Variants in UBE2J1 observed in about 807,000 individuals in gnomAD.
UBE2J1 encodes the protein ubiquitin conjugating enzyme E2 J1.
UBE2J1 carries 17 observed loss-of-function variants against 42.1 expected under a neutral mutation model. The observed-to-expected ratio is 0.40, with a 90% CI of 0.28 to 0.61. The LOEUF (loss-of-function observed/expected upper bound fraction) is 0.61. Among genes scored for constraint, UBE2J1 ranks in the 20% least tolerant of loss-of-function variants. The pLI, the probability that UBE2J1 is intolerant of heterozygous loss-of-function variation, is 0.38. For synonymous variants in UBE2J1, 127 were observed against 137.2 expected, an observed-to-expected ratio of 0.93 and a Z score of 0.52; for missense variants, 291 against 389.4, an observed-to-expected ratio of 0.75 and a Z score of 2.13.
Position 89,329,831 on chromosome 6 carries a change from G to T in UBE2J1, c.805C>A (p.Pro269Thr), listed in dbSNP as rs1767972918. 6.2e-7 allele frequency: 1 copy of T among 1,613,996 alleles called. No homozygotes were observed. The highest frequency in any genetic ancestry group is 1.7e-5 in the Admixed American group (1 of 59,972). Residue 269 changes from proline (P) to threonine (T), a missense_variant, in exon 8 of 8, where the codon CCA (proline) becomes ACA (threonine). By Grantham distance (38) the Pro-to-Thr change is conservative. Coordinates refer to ENST00000435041, the MANE Select transcript of UBE2J1 (RefSeq NM_016021.3). ...QQSQRRLSTS[P>T]DVIQGHQPRD... ...GGCTGGTGGCCCTGGATTACATCTG[G>T]TGAAGTAGACAACCTTCTCTGACTC...
chr6:89,330,013 C>T, intron 7 of UBE2J1, 56 bp from the exon 8 acceptor site: 2 of 1,525,992 alleles, frequency 1.3e-6, no homozygotes, highest in Non-Finnish European at 1.8e-6. Flanking sequence ...TGTAAATACA[C>T]TTGTTATCTA....
Position 89,336,501 on chromosome 6 carries a change from TA to T in UBE2J1, c.429-1071del, listed in dbSNP as rs201103206. On this transcript the variant is annotated intron_variant, in intron 5 of 7. Coordinates refer to ENST00000435041, the MANE Select transcript of UBE2J1 (RefSeq NM_016021.3). ...TTTTTTTTTTATTTCATTTTATTAT[TA>T]TTTTTTTTTTTGTAGAGACAGTGTC... Among the ~76,000 whole-genome samples the T allele has an allele frequency of 5.6e-3, 837 of 148,448 alleles. 11 individuals carry two copies. The highest frequency in any genetic ancestry group is 0.018 in the African/African-American group (748 of 40,846).
At position 89,329,299 on chromosome 6, in the gene UBE2J1, A is replaced by G. The variant is rs902191430; in HGVS notation, c.*380T>C. On this transcript the variant is annotated 3_prime_UTR_variant, in exon 8 of 8. Coordinates refer to ENST00000435041, the MANE Select transcript of UBE2J1 (RefSeq NM_016021.3). Reference sequence around the variant, plus strand: ...TACATACGTAGAAACAGAGTACTCAATAAGTGGTATTGAGTAACTAGTAAT... The same window carrying G: ...TACATACGTAGAAACAGAGTACTCAGTAAGTGGTATTGAGTAACTAGTAAT... 2 of 245,484 alleles carry G rather than the reference A, an allele frequency of 8.1e-6. No homozygotes were observed. Among genetic ancestry groups the G allele is most frequent in the Non-Finnish European group, 1.6e-5 (2 of 126,688 alleles). The allele number at this position is 245,484 out of a possible 1,614,324, so 15.2% of individuals were successfully genotyped here.
chr6:89,328,218 T>A lies in UBE2J1; in HGVS notation c.*1461A>T, dbSNP rs1348812925. 6.6e-6 allele frequency: 1 copy of A among 152,202 alleles called. No homozygotes were observed. The highest frequency in any genetic ancestry group is 1.5e-5 in the Non-Finnish European group (1 of 68,028). 9.4% of individuals were successfully genotyped at this position (152,202 alleles called of 1,614,324 possible). A position where few individuals can be genotyped will look rare whatever the true frequency, so the allele number is the denominator to read the frequency against. On this transcript the variant is annotated 3_prime_UTR_variant, in exon 8 of 8. Transcript: ENST00000435041. ...TGTGTCTGACAGTTAATAGAACGAA[T>A]GTCCCATAAACAGGAGTAAAAATTA...
chr6:89,330,724 A>T (rs1767993464), intron 7 of UBE2J1, among the ~76,000 whole-genome samples: 1 of 152,088 alleles, frequency 6.6e-6, no homozygotes, highest in South Asian at 2.1e-4. Context: ...TGAGCTCAGG[A>T]GGTTGAGGCT....
In UBE2J1 at chr6:89,327,993, T is replaced by C. The variant is rs1767939087; in HGVS notation, c.*1686A>G. Reference sequence around the variant, plus strand: ...ATGGTAACCTATGATTTTCCTCATATAATGAGATCTTCATAAAGTCCTTGA... The same window carrying C: ...ATGGTAACCTATGATTTTCCTCATACAATGAGATCTTCATAAAGTCCTTGA... On this transcript the variant is annotated 3_prime_UTR_variant, in exon 8 of 8. Transcript: ENST00000435041. 6.6e-6 allele frequency: 1 copy of C among 152,250 alleles called. No individual in the cohort carries two copies. Among genetic ancestry groups the C allele is most frequent in the Non-Finnish European group, 1.5e-5 (1 of 68,050 alleles). The allele number at this position is 152,250 out of a possible 1,614,324, so 9.4% of individuals were successfully genotyped here. A position where few individuals can be genotyped will look rare whatever the true frequency, so the allele number is the denominator to read the frequency against.
At chr6:89,347,706 CAT>C (rs953194131) in intron 1 of UBE2J1, among the ~76,000 whole-genome samples, 28 of 152,148 alleles carry the variant, frequency 1.8e-4, no homozygotes, top group African/African-American at 6.5e-4. Context: ...GCAAAAATAA[CAT>C]ATATTATGAA....
chr6:89,343,602 C>T (rs1768300849), intron 2 of UBE2J1, 81 bp downstream of exon 2: 6 of 1,015,304 alleles, frequency 5.9e-6, no homozygotes, highest in Non-Finnish European at 7.2e-6. Flanking sequence ...TCTGTAATGA[C>T]TCAAAGCAAT....
chr6:89,345,286 A>G (rs1768338463), intron 1 of UBE2J1, among the ~76,000 whole-genome samples: 1 of 152,212 alleles, frequency 6.6e-6, no homozygotes, highest in Non-Finnish European at 1.5e-5. Context: ...ATGGTTTGGT[A>G]TGTATCAAGA....
At chr6:89,344,986 T>C (rs1156489089) in intron 1 of UBE2J1, among the ~76,000 whole-genome samples, 1 of 152,204 alleles carries the variant, frequency 6.6e-6, no homozygotes, top group Non-Finnish European at 1.5e-5. Flanking sequence ...TGCAGTGGGA[T>C]GGCTGAGTTA....
intron 5 of UBE2J1, among the ~76,000 whole-genome samples, chr6:89,336,047 T>C (rs1175715817): frequency 1.3e-5 from 2 of 152,206 alleles, no homozygotes; most frequent in South Asian, 2.1e-4. Flanking sequence ...ATTCCAGATA[T>C]AGTCAAAACT....
At chr6:89,349,713 T>A (rs1768431115) in intron 1 of UBE2J1, among the ~76,000 whole-genome samples, 1 of 152,148 alleles carries the variant, frequency 6.6e-6, no homozygotes, top group Non-Finnish European at 1.5e-5. Flanking sequence ...GGGCCTGAGT[T>A]GGACATGAAA....
intron 3 of UBE2J1, among the ~76,000 whole-genome samples, chr6:89,340,877 G>A (rs905707193): frequency 1.1e-4 from 17 of 151,350 alleles, no homozygotes; most frequent in African/African-American, 4.1e-4. Flanking sequence ...CCGGGTTCAC[G>A]CCATTCTCCT....
chr6:89,352,351 C>T (rs1012979730), intron 1 of UBE2J1, among the ~76,000 whole-genome samples, 188 bp downstream of exon 1: 15 of 152,244 alleles, frequency 9.9e-5, no homozygotes, highest in Admixed American at 4.6e-4. Context: ...GGGGGATTGG[C>T]AGCGGACGTC....
At chr6:89,337,654 C>T (rs1768136340) in intron 5 of UBE2J1, among the ~76,000 whole-genome samples, 1 of 152,116 alleles carries the variant, frequency 6.6e-6, no homozygotes, top group Non-Finnish European at 1.5e-5. Flanking sequence ...TGATCTTGGT[C>T]ATATAGACAA....
At chr6:89,336,575 C>T (rs1768111202) in intron 5 of UBE2J1, among the ~76,000 whole-genome samples, 1 of 151,452 alleles carries the variant, frequency 6.6e-6, no homozygotes, top group African/African-American at 2.4e-5. Flanking sequence ...TCAAGCGATC[C>T]TCCTGCCTCA....
At chr6:89,331,842 G>T (rs185393902) in intron 7 of UBE2J1, among the ~76,000 whole-genome samples, 5 of 152,038 alleles carry the variant, frequency 3.3e-5, no homozygotes, top group Admixed American at 1.3e-4. Context: ...AAAAAACTAT[G>T]AAATAAAAAG....
rs1339863311 is a variant in UBE2J1, at chr6:89,342,307, A to C, written c.237+17T>G. ...AAGAGTGAAGCCACAAGCACTCTAA[A>C]AATCCAAAATTCTTACCGTTAGGAG... is the stretch of plus-strand genomic sequence containing the variant. On this transcript the variant is annotated intron_variant, in intron 3 of 7. Coordinates refer to ENST00000435041, the MANE Select transcript of UBE2J1 (RefSeq NM_016021.3). The C allele has an allele frequency of 3.1e-6, 5 of 1,613,678 alleles. 1 individual carries two copies. The South Asian group carries it at 5.5e-5, about 18-fold the overall frequency.
Position 89,340,358 on chromosome 6 carries a change from TCCA to T in UBE2J1, c.238-1818_238-1816del, listed in dbSNP as rs1401732079. ...AAAGAGCTGCTGCTAACTACTGTCC[TCCA>T]CCACCACCAGTCTCCCCATGCACCA... On this transcript the variant is annotated intron_variant, in intron 3 of 7. Coordinates refer to ENST00000435041, the MANE Select transcript of UBE2J1 (RefSeq NM_016021.3). Among the ~76,000 whole-genome samples, 3 of 152,120 alleles carry T rather than the reference TCCA, an allele frequency of 2.0e-5. No individual in the cohort carries two copies. The East Asian group carries it at 5.8e-4, about 29-fold the overall frequency.
Sources: allele counts gnomAD v4.1 joint callset (sites outside exome capture counted in the v4.1 genomes callset), GRCh38; gene constraint gnomAD v4.1.1; transcripts MANE v1.5; gene names NCBI Gene and HGNC (gene_info 2026-07-23, HGNC 2026-07-21).